Variants in SPAG16 observed in about 807,000 individuals in gnomAD.
The protein encoded by SPAG16 is sperm-associated antigen 16 protein.
In SPAG16, 86 loss-of-function variants were observed where a neutral mutation model predicts 80.4. That is an observed-to-expected ratio of 1.07 (90% confidence interval 0.90 to 1.28). The LOEUF (loss-of-function observed/expected upper bound fraction) is 1.28, where lower values mean the gene tolerates loss of function less well. SPAG16 is among the 50% of genes most tolerant of loss of function. SPAG16 has a pLI of 0.00. For missense variants in SPAG16, 870 were observed against 765.3 expected (o/e 1.14, Z -1.61); for synonymous variants, 294 against 265.9 (o/e 1.11, Z -1.03).
chr2:213,531,359 A>AGTGAGT (rs1553558585), intron 10 of SPAG16, among the ~76,000 whole-genome samples: 10 of 142,018 alleles, frequency 7.0e-5, no homozygotes, highest in African/African-American at 5.3e-5. Flanking sequence ...AAAAGATGTG[A>AGTGAGT]GTGTGTGTGT....
chr2:213,995,312 G>A (rs2046465391), intron 12 of SPAG16, among the ~76,000 whole-genome samples: 1 of 152,176 alleles, frequency 6.6e-6, no homozygotes, highest in Non-Finnish European at 1.5e-5. Flanking sequence ...TATAAGGCGG[G>A]GTGGGGCTCA....
At chr2:213,710,043 C>T (rs1375097632) in intron 10 of SPAG16, among the ~76,000 whole-genome samples, 2 of 152,000 alleles carry the variant, frequency 1.3e-5, no homozygotes, top group Non-Finnish European at 1.5e-5. Flanking sequence ...CCGAGGTGGG[C>T]GGATCACGAG....
At chr2:214,133,583 G>T (rs190936107) in intron 14 of SPAG16, among the ~76,000 whole-genome samples, 1 of 152,224 alleles carries the variant, frequency 6.6e-6, no homozygotes, top group African/African-American at 2.4e-5. Flanking sequence ...CTTGAATCTG[G>T]TAGGTGGAGG....
chr2:213,619,385 T>G lies in SPAG16; in HGVS notation c.1070+129295T>G, dbSNP rs576306099. On this transcript the variant is annotated intron_variant, in intron 10 of 15. Transcript: ENST00000331683. ...CAAGGTGAATAGACAGCCTGTAGAA[T>G]AAGAGAGAATATTTGCAAATTATTC... is the stretch of plus-strand genomic sequence containing the variant. 6.6e-5 allele frequency among the ~76,000 whole-genome samples: 10 copies of G among 152,264 alleles called. No individual in the cohort carries two copies. The South Asian group carries it at 2.1e-3, about 32-fold the overall frequency.
intron 15 of SPAG16, among the ~76,000 whole-genome samples, chr2:214,255,947 A>C (rs12694320): frequency 0.63 from 95,206 of 151,650 alleles, 30,190 homozygotes; most frequent in South Asian, 0.71. Context: ...TCTCTCATGA[A>C]AGTGTTTTCA....
chr2:213,843,314 A>G (rs894285466), intron 10 of SPAG16, among the ~76,000 whole-genome samples: 4 of 152,162 alleles, frequency 2.6e-5, no homozygotes, highest in African/African-American at 9.7e-5. Flanking sequence ...GGTCTCATGA[A>G]GCCAGTCATA....
chr2:213,598,707 A>G (rs1002596364), intron 10 of SPAG16, among the ~76,000 whole-genome samples: 2 of 152,244 alleles, frequency 1.3e-5, no homozygotes, highest in African/African-American at 2.4e-5. Flanking sequence ...GAAATTGCAC[A>G]TATTTTCTCC....
chr2:213,306,779 C>A (rs575097080), intron 3 of SPAG16, among the ~76,000 whole-genome samples: 1 of 152,232 alleles, frequency 6.6e-6, no homozygotes, highest in African/African-American at 2.4e-5. Flanking sequence ...GTCTCCCTCC[C>A]ACAGGACAGA....
chr2:214,046,522 C>G (rs928511411), intron 13 of SPAG16, among the ~76,000 whole-genome samples: 24 of 152,206 alleles, frequency 1.6e-4, no homozygotes, highest in East Asian at 1.9e-4. Flanking sequence ...AGGATTTGTT[C>G]CAGGAATGCA....
At chr2:213,820,857 T>A in intron 10 of SPAG16, among the ~76,000 whole-genome samples, 1 of 152,136 alleles carries the variant, frequency 6.6e-6, no homozygotes, top group East Asian at 1.9e-4. Context: ...TTTACTTATA[T>A]GTATAATGCT....
chr2:214,277,130 A>G (rs916767671), intron 15 of SPAG16, among the ~76,000 whole-genome samples: 1 of 152,042 alleles, frequency 6.6e-6, no homozygotes, highest in South Asian at 2.1e-4. Flanking sequence ...CATGGTTTTC[A>G]GCTCCATCAG....
intron 15 of SPAG16, among the ~76,000 whole-genome samples, chr2:214,279,428 A>T (rs1188749558): frequency 6.6e-6 from 1 of 152,222 alleles, no homozygotes; most frequent in East Asian, 1.9e-4. Context: ...GATGAAAAAC[A>T]CAGTGCTACA....
intron 13 of SPAG16, among the ~76,000 whole-genome samples, chr2:214,038,138 A>G (rs1005594825): frequency 1.3e-5 from 2 of 152,092 alleles, no homozygotes; most frequent in African/African-American, 4.8e-5. Context: ...GTGTTTCTCT[A>G]TACAAAGTAG....
intron 13 of SPAG16, among the ~76,000 whole-genome samples, chr2:214,035,463 C>G (rs536636005): frequency 6.6e-6 from 1 of 152,232 alleles, no homozygotes; most frequent in African/African-American, 2.4e-5. Flanking sequence ...CTCAACCCCC[C>G]TCACATACTT....
chr2:214,410,085 A>G lies in SPAG16; in HGVS notation c.1721-55A>G, dbSNP rs537046153. The stretch of plus-strand genomic sequence containing the variant: ...GCTTCATTGCTTATAAACTGTGAAC[A>G]CTTGAAATAAAACTTTGATTCATTC... On this transcript the variant is annotated intron_variant, in intron 15 of 15. Transcript: ENST00000331683. 100 of 1,590,210 alleles carry G rather than the reference A, an allele frequency of 6.3e-5. 1 individual carries two copies. The African/African-American group carries it at 1.2e-3, about 19-fold the overall frequency.
rs1030314158 is a variant in SPAG16 at position 213,340,248 on chromosome 2, A to T, written c.622A>T (p.Lys208Ter). Residue 208 changes from lysine (K) to a stop codon, truncating the protein, a stop_gained, in exon 6 of 16, where the codon AAA becomes TAA. Coordinates refer to ENST00000331683, the MANE Select transcript of SPAG16 (RefSeq NM_024532.5). LOFTEE classifies it high-confidence loss of function. ...TAAGCGAATAGTCCAGGAAAAAAACAAATTAATTAATGACCTCAAAGGGTA... is the reference window on the plus strand; with the variant it reads ...TAAGCGAATAGTCCAGGAAAAAAACTAATTAATTAATGACCTCAAAGGGTA... ...HHKRIVQEKNKLINDLKGLKL... is the reference protein window; with the variant it reads ...HHKRIVQEKN 2.5e-6 allele frequency: 4 copies of T among 1,607,816 alleles called. No individual in the cohort carries two copies. The highest frequency in any genetic ancestry group is 2.2e-5 in the South Asian group (2 of 90,546).
chr2:214,206,127 C>T lies in SPAG16; in HGVS notation c.1720+56861C>T, dbSNP rs145429710. Among the ~76,000 whole-genome samples, 238 of 152,116 alleles carry T rather than the reference C, an allele frequency of 1.6e-3. 1 individual carries two copies. Among genetic ancestry groups the T allele is most frequent in the Non-Finnish European group, 2.8e-3 (192 of 67,992 alleles). On this transcript the variant is annotated intron_variant, in intron 15 of 15. Transcript: ENST00000331683. ...AGGAGAATCGCTTGAACCCAGGAGGCGGAGTTTGCAGTGAGCCGAGATTGC... is the reference window on the plus strand; with the variant it reads ...AGGAGAATCGCTTGAACCCAGGAGGTGGAGTTTGCAGTGAGCCGAGATTGC...
At chr2:213,725,615 G>A (rs538457265) in intron 10 of SPAG16, among the ~76,000 whole-genome samples, 45 of 152,242 alleles carry the variant, frequency 3.0e-4, no homozygotes, top group African/African-American at 9.6e-4. Context: ...ATTTATTAGG[G>A]GAATTTACAT....
At chr2:213,533,978 A>T (rs896554092) in intron 10 of SPAG16, among the ~76,000 whole-genome samples, 1 of 151,954 alleles carries the variant, frequency 6.6e-6, no homozygotes, top group Admixed American at 6.6e-5. Context: ...ACATGTGATC[A>T]CCTCCTATTG....
Sources: allele counts gnomAD v4.1 joint callset (sites outside exome capture counted in the v4.1 genomes callset), GRCh38; gene constraint gnomAD v4.1.1; transcripts MANE v1.5; gene names NCBI Gene and HGNC (gene_info 2026-07-23, HGNC 2026-07-21).